SPMIP3: variants seen among roughly 807,000 people sequenced by gnomAD.
SPMIP3 encodes the protein protein SPMIP3.
chr1:244,382,428 C>T, the SPMIP3 span, among the ~76,000 whole-genome samples: 1 of 152,060 alleles, frequency 6.6e-6, no homozygotes, highest in Non-Finnish European at 1.5e-5. Flanking sequence ...CTGGGAAGGG[C>T]TTGGCATATT....
chr1:244,373,980 G>A, the SPMIP3 span, among the ~76,000 whole-genome samples: 1,620 of 152,110 alleles, frequency 0.011, 34 homozygotes, highest in African/African-American at 0.037. Flanking sequence ...CGGTGTGGTG[G>A]CAGGCACCTG....
At chr1:244,382,001 G>A in the SPMIP3 span, among the ~76,000 whole-genome samples, 4 of 152,340 alleles carry the variant, frequency 2.6e-5, no homozygotes, top group South Asian at 4.1e-4. Context: ...CTCTAAAGCA[G>A]TGTGCAGAGG....
the SPMIP3 span, among the ~76,000 whole-genome samples, chr1:244,371,788 A>G: frequency 6.6e-6 from 1 of 152,258 alleles, no homozygotes; most frequent in South Asian, 2.1e-4. Flanking sequence ...GTGCTTCAGA[A>G]AATGGATAGG....
the SPMIP3 span, among the ~76,000 whole-genome samples, chr1:244,356,337 A>C: frequency 6.6e-6 from 1 of 152,188 alleles, no homozygotes; most frequent in Non-Finnish European, 1.5e-5. Context: ...GAATGGGTCA[A>C]TTTTATTAAG....
the SPMIP3 span, among the ~76,000 whole-genome samples, chr1:244,374,399 G>C: frequency 2.0e-5 from 3 of 152,008 alleles, no homozygotes; most frequent in Non-Finnish European, 4.4e-5. Flanking sequence ...TCACAGTGCT[G>C]CTTCACGATT....
chr1:244,353,207 TC>T, the SPMIP3 span, among the ~76,000 whole-genome samples: 2 of 152,072 alleles, frequency 1.3e-5, no homozygotes, highest in African/African-American at 4.8e-5. Context: ...GTCCCCAACA[TC>T]TAGGAGCTCA....
chr1:244,378,997 C>T, the SPMIP3 span, among the ~76,000 whole-genome samples: 3,695 of 152,136 alleles, frequency 0.024, 176 homozygotes, highest in African/African-American at 0.084. Flanking sequence ...GGTGCGATCT[C>T]GGCTCACTGC....
the SPMIP3 span, among the ~76,000 whole-genome samples, chr1:244,361,275 G>A: frequency 7.6e-6 from 1 of 131,602 alleles, no homozygotes; most frequent in Admixed American, 9.6e-5. Flanking sequence ...TGTTGCCCAG[G>A]CTGGAGTGCT....
At chr1:244,385,476 G>A in the SPMIP3 span, among the ~76,000 whole-genome samples, 11 of 152,128 alleles carry the variant, frequency 7.2e-5, no homozygotes, top group South Asian at 1.0e-3. Flanking sequence ...GGATAAGATG[G>A]CCCCTCAGAG....
chr1:244,371,383 T>C, the SPMIP3 span, among the ~76,000 whole-genome samples: 1 of 152,210 alleles, frequency 6.6e-6, no homozygotes, highest in African/African-American at 2.4e-5. Flanking sequence ...GGCCGGGTAA[T>C]GCACAGCCTC....
chr1:244,385,610 C>A, the SPMIP3 span, among the ~76,000 whole-genome samples: 1 of 152,140 alleles, frequency 6.6e-6, no homozygotes, highest in African/African-American at 2.4e-5. Flanking sequence ...AATATTCTCA[C>A]CTGCGAAAAG....
At chr1:244,380,117 G>GTTTTTTTTT in the SPMIP3 span, among the ~76,000 whole-genome samples, 4 of 132,236 alleles carry the variant, frequency 3.0e-5, no homozygotes, top group East Asian at 4.8e-4. Context: ...CATTCACAGA[G>GTTTTTTTTT]TTTTTCTTTT....
the SPMIP3 span, among the ~76,000 whole-genome samples, chr1:244,369,032 A>C: frequency 1.3e-5 from 2 of 152,078 alleles, no homozygotes; most frequent in Non-Finnish European, 2.9e-5. Context: ...GATGGCACAC[A>C]CCTGTAGTCC....
At chr1:244,354,540 T>C in the SPMIP3 span, among the ~76,000 whole-genome samples, 8 of 152,188 alleles carry the variant, frequency 5.3e-5, no homozygotes, top group Middle Eastern at 3.4e-3. Context: ...GTGTGTATTT[T>C]TAGTAGAAAC....
At chr1:244,362,978 G>A in the SPMIP3 span, among the ~76,000 whole-genome samples, 1 of 151,034 alleles carries the variant, frequency 6.6e-6, no homozygotes, top group East Asian at 2.0e-4. Flanking sequence ...TGAGTAGCTG[G>A]GACCACAGGC....
chr1:244,365,754 A>G, the SPMIP3 span, among the ~76,000 whole-genome samples: 1 of 152,148 alleles, frequency 6.6e-6, no homozygotes, highest in Non-Finnish European at 1.5e-5. Context: ...CAAATTCCCA[A>G]AAGACCAGAA....
At chr1:244,364,434 TATTTA>T in the SPMIP3 span, among the ~76,000 whole-genome samples, 2 of 152,134 alleles carry the variant, frequency 1.3e-5, no homozygotes, top group Admixed American at 6.5e-5. Flanking sequence ...GATTTATACT[TATTTA>T]ATTTTTTTTT....
chr1:244,388,761 C>T, the SPMIP3 span, among the ~76,000 whole-genome samples: 1 of 152,072 alleles, frequency 6.6e-6, no homozygotes, highest in African/African-American at 2.4e-5. Context: ...AATAATATGC[C>T]TCTTAATCAG....
chr1:244,386,641 C>A, the SPMIP3 span, among the ~76,000 whole-genome samples: 19,630 of 152,132 alleles, frequency 0.13, 1,349 homozygotes, highest in Middle Eastern at 0.16. Context: ...TATTTGACTC[C>A]ATAAAAAAAC....
Sources: gnomAD v4.1 joint callset for allele counts (sites outside exome capture counted in the v4.1 genomes callset) on GRCh38, gnomAD v4.1.1 for gene constraint, MANE v1.5 for transcripts, NCBI Gene and HGNC (gene_info 2026-07-23, HGNC 2026-07-21) for gene names.